ARHGEF7: variants seen among roughly 807,000 people sequenced by gnomAD.
The protein encoded by ARHGEF7 is PAK-interacting exchange factor beta.
In ARHGEF7, 33 loss-of-function variants were observed where a neutral mutation model predicts 109.8. The ratio of observed to expected loss-of-function variants is 0.30; its 90% CI spans 0.23 to 0.40. The LOEUF (loss-of-function observed/expected upper bound fraction) is 0.40, where lower values mean the gene tolerates loss of function less well. Ranked by LOEUF, ARHGEF7 falls within the 10% of genes least tolerant of loss-of-function variation. The pLI is 1.00. For missense variants in ARHGEF7, 938 were observed against 1,098.5 expected, an observed-to-expected ratio of 0.85 and a Z score of 2.07; for synonymous variants, 458 against 424.6, an observed-to-expected ratio of 1.08 and a Z score of -0.97.
intron 2 of ARHGEF7, among the ~76,000 whole-genome samples, chr13:111,167,515 T>A (rs1000672969): frequency 6.6e-6 from 1 of 152,208 alleles, no homozygotes; most frequent in Non-Finnish European, 1.5e-5. Context: ...AGGGTGTAGC[T>A]CTTTGTATCA....
At chr13:111,123,582 T>C (rs1449443318) in intron 1 of ARHGEF7, among the ~76,000 whole-genome samples, 3 of 152,254 alleles carry the variant, frequency 2.0e-5, no homozygotes, top group African/African-American at 7.2e-5. Context: ...TGTACCTTTG[T>C]TTAAAATACC....
At chr13:111,285,542 A>C (rs2092982760) in intron 16 of ARHGEF7, among the ~76,000 whole-genome samples, 1 of 152,170 alleles carries the variant, frequency 6.6e-6, no homozygotes, top group Admixed American at 6.5e-5. Flanking sequence ...GGGGTGGGCC[A>C]TTCCGTTGTG....
intron 2 of ARHGEF7, among the ~76,000 whole-genome samples, chr13:111,187,435 C>T (rs1181803088): frequency 6.6e-6 from 1 of 152,172 alleles, no homozygotes; most frequent in Non-Finnish European, 1.5e-5. Flanking sequence ...CGGAGAAAGC[C>T]TTCCGGTTCT....
At chr13:111,285,016 G>T (rs1046726363) in intron 16 of ARHGEF7, among the ~76,000 whole-genome samples, 7 of 152,202 alleles carry the variant, frequency 4.6e-5, no homozygotes, top group Admixed American at 2.6e-4. Flanking sequence ...ATTTTTTATA[G>T]AAATACTTTT....
At chr13:111,124,748 T>TTCTA (rs1418583231) in intron 1 of ARHGEF7, among the ~76,000 whole-genome samples, 1 of 151,932 alleles carries the variant, frequency 6.6e-6, no homozygotes, top group Non-Finnish European at 1.5e-5. Context: ...GATAGGTGTC[T>TTCTA]TCTAGTTTTT....
intron 15 of ARHGEF7, 183 bp from the exon 16 acceptor site, chr13:111,282,956 G>A (rs1595506701): frequency 1.2e-5 from 10 of 842,212 alleles, no homozygotes; most frequent in South Asian, 3.6e-5. Context: ...CAGGTGGCGC[G>A]AGCTAGTGTT....
At chr13:111,240,341 C>G (rs918220055) in intron 6 of ARHGEF7, among the ~76,000 whole-genome samples, 4 of 152,202 alleles carry the variant, frequency 2.6e-5, no homozygotes, top group Non-Finnish European at 4.4e-5. Flanking sequence ...AAAGATACAG[C>G]ATCATAAAAG....
intron 2 of ARHGEF7, among the ~76,000 whole-genome samples, chr13:111,200,313 C>G (rs2081070063): frequency 6.6e-6 from 1 of 152,144 alleles, no homozygotes; most frequent in African/African-American, 2.4e-5. Context: ...GAATGAATGC[C>G]CACTTGCCTT....
Position 111,272,397 on chromosome 13 carries a change from G to T in ARHGEF7, c.1074-1417G>T, listed in dbSNP as rs527886918. Among the ~76,000 whole-genome samples, 1 of 152,162 alleles carries T rather than the reference G, an allele frequency of 6.6e-6. No individual in the cohort carries two copies. The highest frequency in any genetic ancestry group is 1.5e-5 in the Non-Finnish European group (1 of 68,038). ...GTAGCCAGCTTGGCTGGGGTGGTGC[G>T]GTGGGAGGCTCCTGTGAGACCAGAA... On this transcript the variant is annotated intron_variant, in intron 9 of 21. Coordinates refer to ENST00000646102, the MANE Select transcript of ARHGEF7 (RefSeq NM_001354046.2). This position sits in a 1 kb window ranked among gnomAD's most constrained non-coding sequence, Gnocchi z 5.2.
intron 5 of ARHGEF7, among the ~76,000 whole-genome samples, chr13:111,230,800 G>A (rs2085940278): frequency 1.3e-5 from 2 of 152,266 alleles, no homozygotes; most frequent in Admixed American, 6.5e-5. Context: ...GCAGCCAGCA[G>A]AATTGGGAGC....
intron 8 of ARHGEF7, chr13:111,265,441 A>G (rs1350083279): frequency 2.6e-6 from 1 of 380,090 alleles, no homozygotes; most frequent in Non-Finnish European, 5.3e-6. Context: ...GTTTTTCCTA[A>G]TACTTGTGAC....
intron 19 of ARHGEF7, among the ~76,000 whole-genome samples, chr13:111,295,355 A>G (rs2093404395): frequency 1.3e-5 from 2 of 152,184 alleles, no homozygotes; most frequent in African/African-American, 4.8e-5. Flanking sequence ...ACTCTCTTAG[A>G]TTAGCCGTGT....
intron 19 of ARHGEF7, among the ~76,000 whole-genome samples, chr13:111,295,805 C>T (rs1368597999): frequency 6.6e-6 from 1 of 152,210 alleles, no homozygotes; most frequent in Non-Finnish European, 1.5e-5. Context: ...TTTTGCTCCA[C>T]TGTGAATGTT....
chr13:111,287,653 G>A (rs1161373247), intron 17 of ARHGEF7, among the ~76,000 whole-genome samples: 1 of 152,216 alleles, frequency 6.6e-6, no homozygotes, highest in Non-Finnish European at 1.5e-5. Context: ...GGCTGAGGAA[G>A]CAGGCCAAGC....
chr13:111,282,113 A>G (rs1035241859), intron 15 of ARHGEF7, among the ~76,000 whole-genome samples: 4 of 152,170 alleles, frequency 2.6e-5, no homozygotes, highest in African/African-American at 7.2e-5. Context: ...ATCTCACACA[A>G]TTCCCTCCCC....
chr13:111,180,218 G>A (rs1396904188), intron 2 of ARHGEF7, among the ~76,000 whole-genome samples: 1 of 152,172 alleles, frequency 6.6e-6, no homozygotes, highest in Non-Finnish European at 1.5e-5. Context: ...TTGCTTTCAA[G>A]AATCCAAAGA....
At position 111,135,557 on chromosome 13, in the gene ARHGEF7, A is replaced by G. The variant is rs562409443; in HGVS notation, c.166-18348A>G. On this transcript the variant is annotated intron_variant, in intron 1 of 21. Transcript: ENST00000646102. ...AAGGTATTTTGTTCTCTTTGAAGCA[A>G]TTGTGAATGGGAGTTCACTCATTAT... 1.3e-5 allele frequency among the ~76,000 whole-genome samples: 2 copies of G among 152,314 alleles called. 1 individual carries two copies. The highest frequency in any genetic ancestry group is 4.8e-5 in the African/African-American group (2 of 41,566).
chr13:111,219,030 G>A (rs984657075), intron 5 of ARHGEF7, among the ~76,000 whole-genome samples: 2 of 152,174 alleles, frequency 1.3e-5, no homozygotes, highest in African/African-American at 2.4e-5. Flanking sequence ...ATACATATAT[G>A]TAAAGCAGTT....
At chr13:111,287,048 C>T (rs572271331) in intron 17 of ARHGEF7, among the ~76,000 whole-genome samples, 33 of 152,352 alleles carry the variant, frequency 2.2e-4, no homozygotes, top group African/African-American at 6.5e-4. Flanking sequence ...CCGTCCCACA[C>T]GCTCACTGTG....
Sources: allele counts gnomAD v4.1 joint callset (sites outside exome capture counted in the v4.1 genomes callset), GRCh38; gene constraint gnomAD v4.1.1; non-coding constraint Gnocchi (gnomAD v3.1); transcripts MANE v1.5; gene names NCBI Gene and HGNC (gene_info 2026-07-23, HGNC 2026-07-21).